Variants in ZZZ3 observed in about 807,000 individuals in gnomAD.
ZZZ3 encodes zinc finger ZZ-type containing 3, also known as ZZ-type zinc finger-containing protein 3.
Under a neutral mutation model 95.2 loss-of-function variants are expected in ZZZ3, and 22 were observed. The observed-to-expected ratio is 0.23, with a 90% CI of 0.17 to 0.33. ZZZ3 has a LOEUF of 0.33. Among genes scored for constraint, ZZZ3 ranks in the 10% least tolerant of loss-of-function variants. ZZZ3 has a pLI of 1.00. For missense variants in ZZZ3, 885 were observed against 1,066.5 expected, an observed-to-expected ratio of 0.83 and a Z score of 2.37; for synonymous variants, 335 against 358.9, an observed-to-expected ratio of 0.93 and a Z score of 0.75.
intron 1 of ZZZ3, among the ~76,000 whole-genome samples, chr1:77,655,968 T>C (rs1670237282): frequency 6.6e-6 from 1 of 152,210 alleles, no homozygotes; most frequent in Non-Finnish European, 1.5e-5. Context: ...GCACACACAG[T>C]GTACTATGTA....
intron 5 of ZZZ3, among the ~76,000 whole-genome samples, chr1:77,616,810 T>C (rs894611370): frequency 3.3e-5 from 5 of 152,054 alleles, no homozygotes; most frequent in Non-Finnish European, 7.4e-5. Context: ...GAGGTTGCAG[T>C]GAGCCAAGAT....
At position 77,608,468 on chromosome 1, in the gene ZZZ3, A is replaced by G. The variant is rs554526875; in HGVS notation, c.1505+23382T>C. On this transcript the variant is annotated intron_variant, in intron 5 of 14. Coordinates refer to ENST00000370801, the MANE Select transcript of ZZZ3 (RefSeq NM_015534.6). Reference sequence around the variant, plus strand: ...TCCCAAACAAAATCTGAAGGATTTCATCAACATCAGACCTGTCCTACAAGA... The same window carrying G: ...TCCCAAACAAAATCTGAAGGATTTCGTCAACATCAGACCTGTCCTACAAGA... Among the ~76,000 whole-genome samples the G allele has an allele frequency of 2.0e-5, 3 of 152,368 alleles. No individual in the cohort carries two copies. In the South Asian group the frequency reaches 6.2e-4, roughly 32 times the overall value.
intron 1 of ZZZ3, among the ~76,000 whole-genome samples, chr1:77,678,255 C>T (rs913959018): frequency 6.6e-6 from 1 of 151,996 alleles, no homozygotes; most frequent in African/African-American, 2.4e-5. Flanking sequence ...GTAATAGAGC[C>T]TTGTTTGGGA....
At chr1:77,634,902 T>C (rs1009767931) in intron 4 of ZZZ3, among the ~76,000 whole-genome samples, 3 of 152,292 alleles carry the variant, frequency 2.0e-5, no homozygotes, top group Admixed American at 6.5e-5. Flanking sequence ...TTTCCTAACT[T>C]TGAATGAGAT....
intron 5 of ZZZ3, among the ~76,000 whole-genome samples, chr1:77,592,618 T>G (rs1354689530): frequency 6.6e-6 from 1 of 151,776 alleles, no homozygotes; most frequent in Admixed American, 6.6e-5. Context: ...CATTAAAAAA[T>G]TATCAAGCAT....
chr1:77,565,466 T>G lies in ZZZ3; in HGVS notation c.*174A>C. 5 of 578,402 alleles carry G rather than the reference T, an allele frequency of 8.6e-6. No homozygotes were observed. Among genetic ancestry groups the G allele is most frequent in the East Asian group, 3.2e-5 (1 of 31,564 alleles). 35.8% of individuals were successfully genotyped at this position (578,402 alleles called of 1,614,324 possible). On this transcript the variant is annotated 3_prime_UTR_variant, in exon 15 of 15. Coordinates refer to ENST00000370801, the MANE Select transcript of ZZZ3 (RefSeq NM_015534.6). ...CCAGGAATGTTCAGCTGCTGAACAG[T>G]GATCTAGAGCCACAACGGTGCAGAG...
Position 77,582,097 on chromosome 1 carries a change from T to C in ZZZ3, c.1674A>G (p.Arg558=), listed in dbSNP as rs956994741. 4.0e-5 allele frequency: 64 copies of C among 1,611,786 alleles called. No homozygotes were observed. Among genetic ancestry groups the C allele is most frequent in the Non-Finnish European group, 5.1e-5 (60 of 1,179,346 alleles). ...ATACGATCTCAGGCAATTGAACAAC[T>C]CTCTGTGGATATGGAAGCCCAATAT... ...KADIGLPYPQ[R]VVQLPEIVWD... Residue 558 remains arginine, a synonymous_variant, in exon 7 of 15, where the codon AGA becomes AGG. Coordinates refer to ENST00000370801, the MANE Select transcript of ZZZ3 (RefSeq NM_015534.6).
intron 1 of ZZZ3, among the ~76,000 whole-genome samples, chr1:77,647,273 C>A (rs1163019847): frequency 1.3e-5 from 2 of 152,142 alleles, no homozygotes; most frequent in Non-Finnish European, 2.9e-5. Flanking sequence ...ACTCCCAGCA[C>A]TTTGGGAGGC....
At chr1:77,635,475 A>G (rs1455793232) in intron 4 of ZZZ3, among the ~76,000 whole-genome samples, 1 of 152,224 alleles carries the variant, frequency 6.6e-6, no homozygotes, top group East Asian at 1.9e-4. Flanking sequence ...AACAGCTGAC[A>G]TTTAATTATC....
At chr1:77,652,151 C>T (rs1309165426) in intron 1 of ZZZ3, among the ~76,000 whole-genome samples, 1 of 151,944 alleles carries the variant, frequency 6.6e-6, no homozygotes, top group Non-Finnish European at 1.5e-5. Flanking sequence ...AAATTAAAAC[C>T]TTTTGTGCTT....
At chr1:77,676,621 C>T (rs1399939347) in intron 1 of ZZZ3, among the ~76,000 whole-genome samples, 3 of 152,108 alleles carry the variant, frequency 2.0e-5, no homozygotes, top group Non-Finnish European at 4.4e-5. Context: ...AAAAAATAAA[C>T]TTTATTATCC....
At chr1:77,660,709 CCT>C (rs1350412067) in intron 1 of ZZZ3, among the ~76,000 whole-genome samples, 1 of 152,172 alleles carries the variant, frequency 6.6e-6, no homozygotes, top group Non-Finnish European at 1.5e-5. Context: ...GGCCTTCAAT[CCT>C]TTCAGGAATA....
intron 1 of ZZZ3, among the ~76,000 whole-genome samples, chr1:77,675,682 A>C (rs1034185258): frequency 1.3e-5 from 2 of 152,192 alleles, no homozygotes; most frequent in Non-Finnish European, 2.9e-5. Flanking sequence ...TATTGTAACC[A>C]GAAAAATCTG....
chr1:77,595,288 C>G (rs1388661168), intron 5 of ZZZ3, among the ~76,000 whole-genome samples: 1 of 151,944 alleles, frequency 6.6e-6, no homozygotes, highest in Non-Finnish European at 1.5e-5. Flanking sequence ...AAGAGAAATA[C>G]ACATATGCAA....
chr1:77,572,924 C>T (rs6698151), intron 12 of ZZZ3, among the ~76,000 whole-genome samples: 95,790 of 151,678 alleles, frequency 0.63, 31,685 homozygotes, highest in Non-Finnish European at 0.74. Flanking sequence ...AGGATTACAG[C>T]TGTGAGCCAC....
Position 77,594,921 on chromosome 1 carries a change from C to CAA in ZZZ3, c.1506-10268_1506-10267dup, listed in dbSNP as rs371690201. Among the ~76,000 whole-genome samples, 775 of 80,446 alleles carry CAA rather than the reference C, an allele frequency of 9.6e-3. 5 individuals carry two copies. Among genetic ancestry groups the CAA allele is most frequent in the African/African-American group, 0.019 (411 of 21,472 alleles). The allele number at this position is 80,446 out of a possible 152,430, so 52.8% of individuals were successfully genotyped here. A position where few individuals can be genotyped will look rare whatever the true frequency, so the allele number is the denominator to read the frequency against. ...TGGTATGAACTTGCCTTGACAGGCC[C>CAA]AAAAAAAAAAAAAAAAAAAAAAAAT... On this transcript the variant is annotated intron_variant, in intron 5 of 14. Transcript: ENST00000370801.
At chr1:77,655,082 GC>G (rs1434934457) in intron 1 of ZZZ3, among the ~76,000 whole-genome samples, 1 of 152,154 alleles carries the variant, frequency 6.6e-6, no homozygotes, top group Non-Finnish European at 1.5e-5. Flanking sequence ...AGGTGAGAAG[GC>G]TGAGCGTGCT....
intron 1 of ZZZ3, among the ~76,000 whole-genome samples, chr1:77,664,162 T>C (rs916233661): frequency 3.9e-5 from 6 of 152,160 alleles, no homozygotes; most frequent in Non-Finnish European, 8.8e-5. Context: ...TCATTCTATT[T>C]AAACAACTGT....
At chr1:77,587,486 G>A (rs1019406855) in intron 5 of ZZZ3, among the ~76,000 whole-genome samples, 5 of 151,964 alleles carry the variant, frequency 3.3e-5, no homozygotes, top group African/African-American at 7.2e-5. Context: ...GGATGTTCTC[G>A]ATCTCATGAC....
Sources: gnomAD v4.1 joint callset for allele counts (sites outside exome capture counted in the v4.1 genomes callset) on GRCh38, gnomAD v4.1.1 for gene constraint, MANE v1.5 for transcripts, NCBI Gene and HGNC (gene_info 2026-07-23, HGNC 2026-07-21) for gene names.